PRDM16: variants seen among roughly 807,000 people sequenced by gnomAD.
PRDM16 encodes PR/SET domain 16.
In PRDM16, 23 loss-of-function variants were observed where a neutral mutation model predicts 110.6. The ratio of observed to expected loss-of-function variants is 0.21; its 90% CI spans 0.15 to 0.29. PRDM16 has a LOEUF of 0.29. PRDM16 is among the 10% of genes least tolerant of loss of function. The pLI, the probability that PRDM16 is intolerant of heterozygous loss-of-function variation, is 1.00. For missense variants in PRDM16, 1,615 were observed against 1,794.3 expected (o/e 0.90, Z 1.81); for synonymous variants, 799 against 781.8 (o/e 1.02, Z -0.37).
Position 3,243,808 on chromosome 1 carries a change from G to C in PRDM16, c.388-279G>C, listed in dbSNP as rs911574143. Among the ~76,000 whole-genome samples the C allele has an allele frequency of 6.6e-6, 1 of 152,184 alleles. No homozygotes were observed. The highest frequency in any genetic ancestry group is 1.5e-5 in the Non-Finnish European group (1 of 68,026). Reference sequence around the variant, plus strand: ...TCCCCACCCAACCACTAAAGGGCCAGAGTGAGCTACACAGTGTGTCTCCAT... The same window carrying C: ...TCCCCACCCAACCACTAAAGGGCCACAGTGAGCTACACAGTGTGTCTCCAT... On this transcript the variant is annotated intron_variant, in intron 2 of 16. Coordinates refer to ENST00000270722, the MANE Select transcript of PRDM16 (RefSeq NM_022114.4). This position sits in a 1 kb window ranked among gnomAD's most constrained non-coding sequence, Gnocchi z 5.5.
rs189696154 is a variant in PRDM16, at chr1:3,209,450, C to T, written c.387+22976C>T. The stretch of plus-strand genomic sequence containing the variant: ...TTCCTGGGGAGGCCTGTGAAGGTCG[C>T]GTGAATGCCTGTGTCCCCCGGGACA... On this transcript the variant is annotated intron_variant, in intron 2 of 16. Coordinates refer to ENST00000270722, the MANE Select transcript of PRDM16 (RefSeq NM_022114.4). The surrounding 1 kb of genome is among the most constrained non-coding windows in gnomAD (Gnocchi z 4.6). Among the ~76,000 whole-genome samples the T allele has an allele frequency of 2.0e-5, 3 of 152,274 alleles. No individual in the cohort carries two copies. The highest frequency in any genetic ancestry group is 4.4e-5 in the Non-Finnish European group (3 of 68,024).
chr1:3,070,993 G>C (rs552868459), intron 1 of PRDM16, among the ~76,000 whole-genome samples: 75 of 152,366 alleles, frequency 4.9e-4, no homozygotes, highest in African/African-American at 1.8e-3. Context: ...GGCTGTCTGT[G>C]CGCGGCGTTG....
intron 1 of PRDM16, among the ~76,000 whole-genome samples, chr1:3,086,765 T>G (rs1642161965): frequency 6.6e-6 from 1 of 152,190 alleles, no homozygotes; most frequent in Non-Finnish European, 1.5e-5. Context: ...TGCCGGGGCT[T>G]GCTGTCTTCA....
chr1:3,140,732 G>A (rs1467344267), intron 1 of PRDM16, among the ~76,000 whole-genome samples: 4 of 152,224 alleles, frequency 2.6e-5, no homozygotes, highest in African/African-American at 9.6e-5. Flanking sequence ...TGTGAGGGTG[G>A]GGCCACAGTC....
intron 1 of PRDM16, among the ~76,000 whole-genome samples, chr1:3,098,264 C>A (rs552137397): frequency 6.6e-6 from 1 of 152,174 alleles, no homozygotes; most frequent in Non-Finnish European, 1.5e-5. Context: ...CGGGCTGCAC[C>A]CTGCACCAGC....
chr1:3,320,341 T>G (rs1179240246), intron 3 of PRDM16, among the ~76,000 whole-genome samples: 1 of 152,168 alleles, frequency 6.6e-6, no homozygotes, highest in African/African-American at 2.4e-5. Flanking sequence ...TGTGTGTGTA[T>G]GCACACGTGC....
intron 1 of PRDM16, among the ~76,000 whole-genome samples, chr1:3,164,168 A>T (rs1643924065): frequency 1.3e-5 from 2 of 152,272 alleles, no homozygotes; most frequent in Admixed American, 1.3e-4. Context: ...ACGTCCGGCC[A>T]GCGGCTTAAG....
chr1:3,128,897 C>A (rs1483894183), intron 1 of PRDM16, among the ~76,000 whole-genome samples: 1 of 152,224 alleles, frequency 6.6e-6, no homozygotes, highest in Non-Finnish European at 1.5e-5. Flanking sequence ...CTGCCCTGGC[C>A]CCAGGTGGGG....
chr1:3,436,556 C>T lies in PRDM16; in HGVS notation c.*2745C>T, dbSNP rs1191955099. ...CTTAGAGCCCCTGACAAAGGCAGCA[C>T]TTATTTCCTGGGCTGGTGCGCCCCA... On this transcript the variant is annotated 3_prime_UTR_variant, in exon 17 of 17. Transcript: ENST00000270722. 1 of 231,542 alleles carries T rather than the reference C, an allele frequency of 4.3e-6. No individual in the cohort carries two copies. The highest frequency in any genetic ancestry group is 2.2e-5 in the African/African-American group (1 of 45,186). 14.3% of individuals were successfully genotyped at this position (231,542 alleles called of 1,614,324 possible). A position where few individuals can be genotyped will look rare whatever the true frequency, so the allele number is the denominator to read the frequency against.
chr1:3,389,944 G>T (rs1485550753), intron 4 of PRDM16, among the ~76,000 whole-genome samples: 2 of 130,194 alleles, frequency 1.5e-5, no homozygotes, highest in African/African-American at 5.5e-5. Flanking sequence ...CTTTTCTGGG[G>T]GTGCGCCCCC....
chr1:3,096,603 C>G (rs911239202), intron 1 of PRDM16, among the ~76,000 whole-genome samples: 1 of 152,168 alleles, frequency 6.6e-6, no homozygotes, highest in Non-Finnish European at 1.5e-5. Flanking sequence ...AGTGCCTTGC[C>G]GCCTGTGTGT....
chr1:3,118,108 T>C (rs1643007658), intron 1 of PRDM16, among the ~76,000 whole-genome samples: 2 of 151,452 alleles, frequency 1.3e-5, no homozygotes, highest in African/African-American at 2.4e-5. Flanking sequence ...CATGCATGTG[T>C]GTGTGCGTGT....
intron 3 of PRDM16, among the ~76,000 whole-genome samples, chr1:3,301,354 A>G (rs1012012959): frequency 5.3e-5 from 8 of 151,936 alleles, no homozygotes; most frequent in Admixed American, 1.3e-4. Flanking sequence ...AAAAAAGAAA[A>G]AAAAAAAGGA....
intron 3 of PRDM16, among the ~76,000 whole-genome samples, chr1:3,252,922 G>T (rs949813037): frequency 9.9e-5 from 15 of 152,116 alleles, no homozygotes; most frequent in Admixed American, 2.0e-4. Flanking sequence ...AAGGAGAAAG[G>T]CAGGGGTGTG....
At chr1:3,365,631 C>T (rs1232577250) in intron 3 of PRDM16, among the ~76,000 whole-genome samples, 1 of 152,232 alleles carries the variant, frequency 6.6e-6, no homozygotes, top group Non-Finnish European at 1.5e-5. Flanking sequence ...CAGCCAGCGG[C>T]CCTGAATGTT....
intron 2 of PRDM16, among the ~76,000 whole-genome samples, chr1:3,225,093 G>C (rs1319758039): frequency 6.6e-6 from 1 of 152,062 alleles, no homozygotes; most frequent in Non-Finnish European, 1.5e-5. Flanking sequence ...ATTTTCAAAA[G>C]AACCTTGAAA....
chr1:3,129,989 C>A (rs1178122448), intron 1 of PRDM16, among the ~76,000 whole-genome samples: 1 of 152,206 alleles, frequency 6.6e-6, no homozygotes, highest in Non-Finnish European at 1.5e-5. Context: ...CCAAGGCGAC[C>A]AGCTGGGCTG....
At chr1:3,328,841 C>T (rs779153723) in intron 3 of PRDM16, among the ~76,000 whole-genome samples, 19 of 152,246 alleles carry the variant, frequency 1.2e-4, no homozygotes, top group Admixed American at 5.2e-4. Context: ...CCATTTCCTA[C>T]GTAAAAGGTG....
intron 2 of PRDM16, among the ~76,000 whole-genome samples, chr1:3,242,769 T>C (rs1639704498): frequency 6.6e-6 from 1 of 152,204 alleles, no homozygotes; most frequent in Non-Finnish European, 1.5e-5. Flanking sequence ...AAAGCCATCA[T>C]GTAATATTAA....
Sources: allele counts gnomAD v4.1 joint callset (sites outside exome capture counted in the v4.1 genomes callset), GRCh38; gene constraint gnomAD v4.1.1; non-coding constraint Gnocchi (gnomAD v3.1); transcripts MANE v1.5; gene names NCBI Gene and HGNC (gene_info 2026-07-23, HGNC 2026-07-21).